Variants in PSMD9 observed in about 807,000 individuals in gnomAD.
PSMD9 encodes proteasome 26S subunit, non-ATPase 9.
Under a neutral mutation model 25.9 loss-of-function variants are expected in PSMD9, and 26 were observed. That is an observed-to-expected ratio of 1.00 (90% CI 0.73 to 1.39). PSMD9 has a LOEUF of 1.39. Among genes scored for constraint, PSMD9 ranks in the 40% most tolerant of loss-of-function variants. The probability of loss-of-function intolerance (pLI) is 0.00; values close to 1 mark genes in which losing one functional copy is unlikely to be tolerated. For missense variants in PSMD9, 303 were observed against 299.3 expected (o/e 1.01, Z -0.09); for synonymous variants, 110 against 114.5 (o/e 0.96, Z 0.25).
At chr12:121,912,457 A>C (rs1415160871) in intron 4 of PSMD9, among the ~76,000 whole-genome samples, 1 of 152,106 alleles carries the variant, frequency 6.6e-6, no homozygotes, top group Non-Finnish European at 1.5e-5. Flanking sequence ...TTTCTGTTTC[A>C]TAATCAGTGT....
chr12:121,893,791 C>G (rs1000921608), intron 1 of PSMD9: 105 of 152,312 alleles, frequency 6.9e-4, no homozygotes, highest in African/African-American at 2.3e-3. Flanking sequence ...TACAAAGACT[C>G]TTTTTCAAAT....
At chr12:121,889,689 G>A (rs1462600253) in intron 1 of PSMD9, among the ~76,000 whole-genome samples, 1 of 152,124 alleles carries the variant, frequency 6.6e-6, no homozygotes, top group African/African-American at 2.4e-5. Context: ...TTACAAATAA[G>A]GCTCATCATC....
chr12:121,910,983 G>C (rs1408627293), intron 4 of PSMD9: 2 of 456,410 alleles, frequency 4.4e-6, no homozygotes, highest in Admixed American at 4.7e-5. Context: ...CTATGAATTT[G>C]ACTACTCCAG....
intron 4 of PSMD9, chr12:121,914,819 A>T (rs1373902108): frequency 1.3e-5 from 2 of 152,090 alleles, no homozygotes; most frequent in Admixed American, 6.6e-5. Context: ...GCACCACTAC[A>T]CTCCAGCCTG....
In PSMD9 at chr12:121,894,918, C is replaced by T. The variant is rs1411325026; in HGVS notation, c.241+77C>T. On this transcript the variant is annotated intron_variant, in intron 2 of 5. Coordinates refer to ENST00000541212, the MANE Select transcript of PSMD9 (RefSeq NM_002813.7). ...AAGGCATACAAATAAAACCAACTAT[C>T]TGTATTATCTACTGCCTTCTCTTCT... is the stretch of plus-strand genomic sequence containing the variant. 4.1e-6 allele frequency: 5 copies of T among 1,214,888 alleles called. No individual in the cohort carries two copies. The African/African-American group carries it at 4.5e-5, about 11-fold the overall frequency. 75.3% of individuals were successfully genotyped at this position (1,214,888 alleles called of 1,614,324 possible).
intron 1 of PSMD9, among the ~76,000 whole-genome samples, chr12:121,893,222 T>C (rs7964357): frequency 0.057 from 8,611 of 152,120 alleles, 424 homozygotes; most frequent in East Asian, 0.14. Flanking sequence ...CAGATACAGG[T>C]TTTTAGCCCC....
rs1879889994 is a variant in PSMD9 at position 121,915,993 on chromosome 12, T to C, written c.644+49T>C. ...TCTCACTGGGGCATCATTTGAGTGTTTGTTAAACATGAAGCTGGAGGGGAA... is the reference window on the plus strand; with the variant it reads ...TCTCACTGGGGCATCATTTGAGTGTCTGTTAAACATGAAGCTGGAGGGGAA... On this transcript the variant is annotated intron_variant, in intron 5 of 5. Transcript: ENST00000541212. 3 of 1,562,270 alleles carry C rather than the reference T, an allele frequency of 1.9e-6. No homozygotes were observed. In the East Asian group the frequency reaches 6.7e-5, roughly 35 times the overall value.
chr12:121,895,053 T>TC (rs1259120307), intron 2 of PSMD9, among the ~76,000 whole-genome samples: 3 of 148,904 alleles, frequency 2.0e-5, no homozygotes, highest in Admixed American at 6.7e-5. Flanking sequence ...TCTCTCTCTC[T>TC]TTTTTTTTTG....
chr12:121,912,431 C>T (rs1174280507), intron 4 of PSMD9, among the ~76,000 whole-genome samples: 1 of 152,172 alleles, frequency 6.6e-6, no homozygotes, highest in Non-Finnish European at 1.5e-5. Flanking sequence ...TTCCCCGCTT[C>T]CTCGCCAGCA....
chr12:121,908,461 G>A (rs1879624832), intron 4 of PSMD9, among the ~76,000 whole-genome samples: 2 of 152,172 alleles, frequency 1.3e-5, no homozygotes, highest in South Asian at 4.1e-4. Flanking sequence ...TTATAGGCGT[G>A]AGCCACTGTG....
intron 1 of PSMD9, among the ~76,000 whole-genome samples, chr12:121,891,278 AGAGT>A (rs1433222161): frequency 2.2e-5 from 3 of 138,622 alleles, no homozygotes; most frequent in African/African-American, 5.3e-5. Context: ...TGTGGGTGAC[AGAGT>A]GAGATGCTGT....
At chr12:121,906,022 C>A (rs1250459154) in intron 4 of PSMD9, among the ~76,000 whole-genome samples, 1 of 152,094 alleles carries the variant, frequency 6.6e-6, no homozygotes, top group Non-Finnish European at 1.5e-5. Flanking sequence ...CTTCACTCAG[C>A]CCAGTGGATT....
At chr12:121,901,909 C>G (rs1879411306) in intron 3 of PSMD9, 1 of 151,266 alleles carries the variant, frequency 6.6e-6, no homozygotes. Flanking sequence ...TCTCGATCTC[C>G]TGACCTCGTG....
chr12:121,911,841 C>G (rs1879731799), intron 4 of PSMD9, among the ~76,000 whole-genome samples: 1 of 151,416 alleles, frequency 6.6e-6, no homozygotes, highest in Non-Finnish European at 1.5e-5. Context: ...TTAGTAGAGA[C>G]TGGGTTTCAC....
intron 4 of PSMD9, among the ~76,000 whole-genome samples, chr12:121,913,875 A>C (rs1232289519): frequency 1.3e-5 from 2 of 151,290 alleles, no homozygotes; most frequent in Non-Finnish European, 2.9e-5. Context: ...GAAGTTTTAG[A>C]TTTTGATGGC....
At chr12:121,902,238 C>T (rs933447734) in intron 3 of PSMD9, 21 of 152,094 alleles carry the variant, frequency 1.4e-4, no homozygotes, top group Admixed American at 1.3e-3. Flanking sequence ...TAACTTATGT[C>T]AGGACACATA....
chr12:121,911,717 C>A (rs2135731521), intron 4 of PSMD9, among the ~76,000 whole-genome samples: 1 of 146,412 alleles, frequency 6.8e-6, no homozygotes, highest in East Asian at 2.1e-4. Flanking sequence ...TGCAGTGGTG[C>A]AATCTCAGCT....
Position 121,903,101 on chromosome 12 carries a change from T to C in PSMD9, c.549T>C (p.Ser183=). The change falls in exon 4 of 6, where the codon AGT becomes AGC. Residue 183 remains serine, a synonymous_variant. Transcript: ENST00000541212. The stretch of plus-strand genomic sequence containing the variant: ...ACATTGGCAGTGTGGTGCAGCACAG[T>C]GAGGGGGTGAGTGGGGCTACCTGGT... ...LHNIGSVVQH[S]EGKPLNVTVI... The C allele has an allele frequency of 6.2e-7, 1 of 1,613,450 alleles. No individual in the cohort carries two copies. The highest frequency in any genetic ancestry group is 8.5e-7 in the Non-Finnish European group (1 of 1,179,600).
intron 4 of PSMD9, among the ~76,000 whole-genome samples, 198 bp downstream of exon 4, chr12:121,903,305 T>G (rs1879455113): frequency 6.6e-6 from 1 of 152,152 alleles, no homozygotes; most frequent in African/African-American, 2.4e-5. Context: ...TGCTGTGTCC[T>G]CACATGGCAG....
Sources: gnomAD v4.1 joint callset for allele counts (sites outside exome capture counted in the v4.1 genomes callset) on GRCh38, gnomAD v4.1.1 for gene constraint, MANE v1.5 for transcripts, NCBI Gene and HGNC (gene_info 2026-07-23, HGNC 2026-07-21) for gene names.